The following CELF5 variants were observed in gnomAD, a reference collection of about 807,000 sequenced individuals.
CELF5 encodes CUGBP Elav-like family member 5.
Under a neutral mutation model 54.9 loss-of-function variants are expected in CELF5, and 6 were observed. That is an observed-to-expected ratio of 0.11 (90% CI 0.06 to 0.22). The LOEUF is 0.22. CELF5 is among the 10% of genes least tolerant of loss of function. The probability of loss-of-function intolerance (pLI) is 1.00; values close to 1 mark genes in which losing one functional copy is unlikely to be tolerated. For missense variants in CELF5, 401 were observed against 678.6 expected (o/e 0.59, Z 4.54); for synonymous variants, 271 against 290.9 (o/e 0.93, Z 0.70).
chr19:3,293,629 G>A (rs1258524573), intron 12 of CELF5, 143 bp downstream of exon 12: 11 of 706,250 alleles, frequency 1.6e-5, no homozygotes, highest in South Asian at 7.6e-5. Flanking sequence ...TTGGGTTGGC[G>A]GGGACAGAGC....
intron 1 of CELF5, among the ~76,000 whole-genome samples, chr19:3,234,214 G>A (rs558655863): frequency 2.6e-4 from 40 of 152,174 alleles, no homozygotes; most frequent in African/African-American, 5.8e-4. Context: ...CAAGGGAGGC[G>A]AGGAAGAGGA....
chr19:3,255,427 A>G (rs555553195), intron 2 of CELF5, among the ~76,000 whole-genome samples: 1 of 152,124 alleles, frequency 6.6e-6, no homozygotes, highest in Non-Finnish European at 1.5e-5. Context: ...CAAGTGATCC[A>G]CCTGCCTCGG....
intron 2 of CELF5, among the ~76,000 whole-genome samples, chr19:3,251,451 C>G (rs1389218126): frequency 6.6e-6 from 1 of 151,842 alleles, no homozygotes; most frequent in Non-Finnish European, 1.5e-5. Context: ...GGGAGGAGGC[C>G]CGTGTGGCTG....
At chr19:3,265,180 A>G (rs1317343218) in intron 2 of CELF5, among the ~76,000 whole-genome samples, 1 of 152,128 alleles carries the variant, frequency 6.6e-6, no homozygotes, top group African/African-American at 2.4e-5. Context: ...CTACAAAAAA[A>G]TAAGAAAACT....
intron 1 of CELF5, among the ~76,000 whole-genome samples, chr19:3,229,829 G>T (rs1224240539): frequency 1.3e-5 from 2 of 152,208 alleles, no homozygotes; most frequent in African/African-American, 4.8e-5. Context: ...GCCCAGAGGG[G>T]CGCTAACTCC....
In CELF5 at chr19:3,268,456, G is replaced by A. The variant is rs561584287; in HGVS notation, c.343-5416G>A. 2.6e-4 allele frequency among the ~76,000 whole-genome samples: 39 copies of A among 152,306 alleles called. No homozygotes were observed. The highest frequency in any genetic ancestry group is 4.1e-4 in the South Asian group (2 of 4,820). On this transcript the variant is annotated intron_variant, in intron 2 of 12. Coordinates refer to ENST00000292672, the MANE Select transcript of CELF5 (RefSeq NM_021938.4). This position sits in a 1 kb window ranked among gnomAD's most constrained non-coding sequence, Gnocchi z 4.4. The stretch of plus-strand genomic sequence containing the variant: ...CACGTCAAGCTGCGAGACTCGGGGC[G>A]TCGTGTCATCTTTCTGGGCCTGTGC...
intron 2 of CELF5, among the ~76,000 whole-genome samples, chr19:3,259,371 C>T (rs1168564083): frequency 6.6e-6 from 1 of 151,956 alleles, no homozygotes; most frequent in African/African-American, 2.4e-5. Flanking sequence ...AGGCCAGGGA[C>T]GCTACTCAGC....
chr19:3,241,048 G>A (rs1298722602), intron 1 of CELF5, among the ~76,000 whole-genome samples: 1 of 151,286 alleles, frequency 6.6e-6, no homozygotes, highest in Non-Finnish European at 1.5e-5. Context: ...CATTGTCTAT[G>A]AACTTGAAGA....
intron 1 of CELF5, among the ~76,000 whole-genome samples, chr19:3,226,611 ACAC>A (rs1916933284): frequency 6.6e-6 from 1 of 152,134 alleles, no homozygotes; most frequent in Non-Finnish European, 1.5e-5. Flanking sequence ...ACCCCTGGGT[ACAC>A]CCAAAGCACC....
At chr19:3,292,473 G>A (rs190281120) in intron 11 of CELF5, among the ~76,000 whole-genome samples, 12 of 151,518 alleles carry the variant, frequency 7.9e-5, no homozygotes, top group African/African-American at 2.7e-4. Context: ...TAGTAGAGAC[G>A]GGGTTTGACC....
intron 1 of CELF5, among the ~76,000 whole-genome samples, chr19:3,249,714 G>A (rs935499275): frequency 4.6e-5 from 7 of 152,192 alleles, no homozygotes; most frequent in Non-Finnish European, 8.8e-5. Context: ...CCATCCATTG[G>A]CTGGTCCAAC....
chr19:3,278,536 G>A lies in CELF5; in HGVS notation c.603+426G>A, dbSNP rs2080094323. On this transcript the variant is annotated intron_variant, in intron 5 of 12. Coordinates refer to ENST00000292672, the MANE Select transcript of CELF5 (RefSeq NM_021938.4). The surrounding 1 kb of genome is among the most constrained non-coding windows in gnomAD (Gnocchi z 4.5). Reference sequence around the variant, plus strand: ...TGTATGGATAAGTGTGCCATTGTGTGCTAGTGTAGAGATACTAGTGCGTGT... The same window carrying A: ...TGTATGGATAAGTGTGCCATTGTGTACTAGTGTAGAGATACTAGTGCGTGT... Among the ~76,000 whole-genome samples the A allele has an allele frequency of 6.6e-6, 1 of 152,044 alleles. No homozygotes were observed. The highest frequency in any genetic ancestry group is 1.5e-5 in the Non-Finnish European group (1 of 68,014).
intron 1 of CELF5, among the ~76,000 whole-genome samples, chr19:3,240,771 T>C (rs2079480355): frequency 1.3e-5 from 2 of 151,954 alleles, no homozygotes; most frequent in Admixed American, 1.3e-4. Context: ...TGCCTTTCTC[T>C]TGGCCCGGGC....
chr19:3,227,485 A>G (rs1916991849), intron 1 of CELF5, among the ~76,000 whole-genome samples: 1 of 151,956 alleles, frequency 6.6e-6, no homozygotes, highest in African/African-American at 2.4e-5. Context: ...CCAGGCCTGG[A>G]GAGAAATCCC....
chr19:3,275,750 C>T lies in CELF5; in HGVS notation c.395-106C>T. 1.6e-6 allele frequency: 2 copies of T among 1,267,702 alleles called. No homozygotes were observed. The highest frequency in any genetic ancestry group is 2.1e-6 in the Non-Finnish European group (2 of 946,008). The allele number at this position is 1,267,702 out of a possible 1,614,324, so 78.5% of individuals were successfully genotyped here. A position where few individuals can be genotyped will look rare whatever the true frequency, so the allele number is the denominator to read the frequency against. The stretch of plus-strand genomic sequence containing the variant: ...ACCGGAGCCGGCAGGGCCCGGGCGC[C>T]GCGTCTTCCTGCCCTGCCGCCTCCA... On this transcript the variant is annotated intron_variant, in intron 3 of 12. Transcript: ENST00000292672. The surrounding 1 kb of genome is among the most constrained non-coding windows in gnomAD (Gnocchi z 6.7).
In CELF5 at chr19:3,276,001, G is replaced by T; in HGVS notation, c.523+17G>T. On this transcript the variant is annotated intron_variant, in intron 4 of 12. Coordinates refer to ENST00000292672, the MANE Select transcript of CELF5 (RefSeq NM_021938.4). ...GCAGCAAAGGTGACTGGCGGGGGCC[G>T]GGGCGGGACTGCGAGAGGGGCCGGG... 6.3e-7 allele frequency: 1 copy of T among 1,594,830 alleles called. No homozygotes were observed.
chr19:3,282,577 T>C lies in CELF5; in HGVS notation c.1039+79T>C. ...TGTTTCTGGAACAAGTATGAGTCCCTACATCACAGTGCCCAGGGAACAGAA... is the reference window on the plus strand; with the variant it reads ...TGTTTCTGGAACAAGTATGAGTCCCCACATCACAGTGCCCAGGGAACAGAA... On this transcript the variant is annotated intron_variant, in intron 8 of 12. Coordinates refer to ENST00000292672, the MANE Select transcript of CELF5 (RefSeq NM_021938.4). The surrounding 1 kb of genome is among the most constrained non-coding windows in gnomAD (Gnocchi z 5.2). The C allele has an allele frequency of 6.8e-7, 1 of 1,469,028 alleles. No individual in the cohort carries two copies. The highest frequency in any genetic ancestry group is 9.2e-7 in the Non-Finnish European group (1 of 1,084,768). 91.0% of individuals were successfully genotyped at this position (1,469,028 alleles called of 1,614,324 possible).
chr19:3,249,652 C>T (rs932056293), intron 1 of CELF5, among the ~76,000 whole-genome samples: 8 of 152,200 alleles, frequency 5.3e-5, no homozygotes, highest in Admixed American at 5.2e-4. Flanking sequence ...CCTCACCTCT[C>T]CTGATTGGTC....
intron 12 of CELF5, 27 bp downstream of exon 12, chr19:3,293,513 GCCCAAGCC>G: frequency 7.4e-7 from 1 of 1,343,246 alleles, no homozygotes; most frequent in East Asian, 2.7e-5. Flanking sequence ...CCCCACCCCC[GCCCAAGCC>G]CCCCGTCTTG....
Sources: allele counts gnomAD v4.1 joint callset (sites outside exome capture counted in the v4.1 genomes callset), GRCh38; gene constraint gnomAD v4.1.1; non-coding constraint Gnocchi (gnomAD v3.1); transcripts MANE v1.5; gene names NCBI Gene and HGNC (gene_info 2026-07-23, HGNC 2026-07-21).